Variants in HERC2 observed in about 807,000 individuals in gnomAD.
HERC2 encodes the protein E3 ubiquitin-protein ligase HERC2.
HERC2 carries 102 observed loss-of-function variants against 537.7 expected under a neutral mutation model. That is an observed-to-expected ratio of 0.19 (90% CI 0.16 to 0.22). The LOEUF is 0.22. Among genes scored for constraint, HERC2 ranks in the 10% least tolerant of loss-of-function variants. The probability of loss-of-function intolerance (pLI) is 1.00; values close to 1 mark genes in which losing one functional copy is unlikely to be tolerated. For missense variants in HERC2, 4,236 were observed against 6,198.2 expected (o/e 0.68, Z 10.63); for synonymous variants, 2,224 against 2,466.2 (o/e 0.90, Z 2.91).
intron 4 of HERC2, among the ~76,000 whole-genome samples, chr15:28,287,559 T>C (rs1394537023): frequency 6.6e-6 from 1 of 152,096 alleles, no homozygotes; most frequent in Non-Finnish European, 1.5e-5. Context: ...AAACAACAGA[T>C]TTTTAAAATC....
At chr15:28,147,171 T>C (rs2142290869) in intron 70 of HERC2, among the ~76,000 whole-genome samples, 1 of 151,848 alleles carries the variant, frequency 6.6e-6, no homozygotes, top group East Asian at 1.9e-4. Flanking sequence ...ATTTGGAATA[T>C]ATTTTAAAAG....
chr15:28,199,201 A>T (rs1051378969), intron 48 of HERC2, among the ~76,000 whole-genome samples: 12 of 152,192 alleles, frequency 7.9e-5, no homozygotes, highest in Non-Finnish European at 1.5e-4. Flanking sequence ...GTATTATTTA[A>T]TGATAAAGGG....
chr15:28,114,531 G>A, intron 90 of HERC2, 81 bp downstream of exon 90: 2 of 1,315,114 alleles, frequency 1.5e-6, no homozygotes, highest in African/African-American at 1.4e-5. Flanking sequence ...TGACACTCCT[G>A]AAAAACACAC....
chr15:28,141,471 T>C lies in HERC2; in HGVS notation c.11976A>G (p.Gly3992=). Residue 3992 remains glycine (G), a synonymous_variant, in exon 78 of 93, where the codon GGA becomes GGG. Transcript: ENST00000261609. ...TCACAGCAAAGAGGGTCTGTTCCCC[T>C]CCGATTAACTGCACGGGTCTGAGAG... ...LATLRPVQLI[G]GEQTLFAVTA... 1.2e-6 allele frequency: 2 copies of C among 1,614,076 alleles called. No individual in the cohort carries two copies. The highest frequency in any genetic ancestry group is 8.5e-7 in the Non-Finnish European group (1 of 1,180,014).
intron 44 of HERC2, among the ~76,000 whole-genome samples, chr15:28,207,666 C>G (rs534850615): frequency 6.4e-4 from 98 of 152,188 alleles, no homozygotes; most frequent in African/African-American, 2.1e-3. Context: ...GATCCACTGC[C>G]CTCAAGCCCA....
intron 20 of HERC2, among the ~76,000 whole-genome samples, chr15:28,252,418 A>G (rs919588073): frequency 3.3e-5 from 5 of 152,208 alleles, no homozygotes; most frequent in Non-Finnish European, 7.3e-5. Flanking sequence ...CAGCCTCCTC[A>G]GAAAAGGGAG....
chr15:28,304,856 C>T (rs1323547116), intron 2 of HERC2, among the ~76,000 whole-genome samples: 18 of 115,216 alleles, frequency 1.6e-4, no homozygotes, highest in African/African-American at 2.4e-4. Flanking sequence ...GCTACCCCTC[C>T]CCCCTCCCCC....
At chr15:28,126,950 A>G (rs2142124556) in intron 83 of HERC2, among the ~76,000 whole-genome samples, 1 of 152,386 alleles carries the variant, frequency 6.6e-6, no homozygotes, top group East Asian at 1.9e-4. Flanking sequence ...CGCAAGAATC[A>G]TCACACTTTT....
chr15:28,298,269 G>A (rs1318366449), intron 3 of HERC2, among the ~76,000 whole-genome samples: 235 of 142,916 alleles, frequency 1.6e-3, no homozygotes, highest in African/African-American at 5.9e-3. Context: ...TTCTCCTGCC[G>A]TGCCCTCCCA....
chr15:28,322,088 C>A lies in HERC2; in HGVS notation c.-45G>T, dbSNP rs1475354759. ...CCAGGCCAGGACCTGACGCGCAGGG[C>A]CCGGCCGCCTCGCCTCGCCGGCGCG... On this transcript the variant is annotated 5_prime_UTR_variant, in exon 1 of 93. Coordinates refer to ENST00000261609, the MANE Select transcript of HERC2 (RefSeq NM_004667.6). 1 of 86,726 alleles carries A rather than the reference C, an allele frequency of 1.2e-5. No individual in the cohort carries two copies. The highest frequency in any genetic ancestry group is 2.1e-5 in the Non-Finnish European group (1 of 46,644). The allele number at this position is 86,726 out of a possible 1,614,324, so 5.4% of individuals were successfully genotyped here. A position where few individuals can be genotyped will look rare whatever the true frequency, so the allele number is the denominator to read the frequency against.
At chr15:28,299,309 A>C in intron 3 of HERC2, 93 bp downstream of exon 3, 1 of 468,214 alleles carries the variant, frequency 2.1e-6, no homozygotes, top group Non-Finnish European at 3.9e-6. Flanking sequence ...TTAAGCTCAA[A>C]GCTCCTGTTC....
chr15:28,241,114 G>A (rs892067608), intron 23 of HERC2, among the ~76,000 whole-genome samples: 8 of 152,096 alleles, frequency 5.3e-5, no homozygotes, highest in South Asian at 2.1e-4. Context: ...AACAGCAACC[G>A]AAAGAATGCA....
chr15:28,286,663 C>G (rs567563776), intron 4 of HERC2, among the ~76,000 whole-genome samples: 4 of 152,110 alleles, frequency 2.6e-5, no homozygotes, highest in African/African-American at 7.2e-5. Flanking sequence ...ATGCCAAAAA[C>G]AATGTCAGAA....
intron 2 of HERC2, 132 bp from the exon 3 acceptor site, chr15:28,299,648 T>C (rs2076565525): frequency 1.7e-6 from 1 of 605,550 alleles, no homozygotes; most frequent in African/African-American, 1.9e-5. Flanking sequence ...AATGATTTAC[T>C]GAATTAGTGA....
rs1425605453 is a variant in HERC2 at position 28,144,943 on chromosome 15, T to C, written c.11009-139A>G. 5 of 1,028,516 alleles carry C rather than the reference T, an allele frequency of 4.9e-6. No individual in the cohort carries two copies. In the Admixed American group the frequency reaches 1.0e-4, roughly 21 times the overall value. 63.7% of individuals were successfully genotyped at this position (1,028,516 alleles called of 1,614,324 possible). A position where few individuals can be genotyped will look rare whatever the true frequency, so the allele number is the denominator to read the frequency against. On this transcript the variant is annotated intron_variant, in intron 71 of 92. Coordinates refer to ENST00000261609, the MANE Select transcript of HERC2 (RefSeq NM_004667.6). Reference sequence around the variant, plus strand: ...CAATCCAAGCTCTCCCAAGCCGAAGTGCACAGTGACACAACACTCTTGGGA... The same window carrying C: ...CAATCCAAGCTCTCCCAAGCCGAAGCGCACAGTGACACAACACTCTTGGGA...
chr15:28,229,231 C>T lies in HERC2; in HGVS notation c.5236G>A (p.Val1746Ile), dbSNP rs1432097118. ...AATTTGGCACTGGCATCCATCAAAACATTTCGAATGTTCTGTACAGCCCAA... is the reference window on the plus strand; with the variant it reads ...AATTTGGCACTGGCATCCATCAAAATATTTCGAATGTTCTGTACAGCCCAA... ...YAWAVQNIRNVLMDASAKFKE... is the reference protein window; with the variant it reads ...YAWAVQNIRNILMDASAKFKE... Residue 1746 changes from valine (V) to isoleucine (I), a missense_variant, in exon 34 of 93, where the codon GTT becomes ATT. Val to Ile is a conservative substitution (Grantham distance 29). This residue lies in a region of HERC2 where 343 missense variants were observed against 417.2 expected (regional missense o/e 0.82). Coordinates refer to ENST00000261609, the MANE Select transcript of HERC2 (RefSeq NM_004667.6). The T allele has an allele frequency of 6.2e-7, 1 of 1,613,522 alleles. No individual in the cohort carries two copies. The highest frequency in any genetic ancestry group is 8.5e-7 in the Non-Finnish European group (1 of 1,179,860).
At position 28,245,950 on chromosome 15, in the gene HERC2, G is replaced by A. The variant is rs1187345307; in HGVS notation, c.3508C>T (p.Arg1170Trp). 4 of 1,614,054 alleles carry A rather than the reference G, an allele frequency of 2.5e-6. No homozygotes were observed. Among genetic ancestry groups the A allele is most frequent in the Admixed American group, 1.7e-5 (1 of 60,000 alleles). Residue 1170 changes from arginine (R) to tryptophan (W), a missense_variant, in exon 23 of 93, where the codon CGG becomes TGG. By Grantham distance (101) the Arg-to-Trp change is moderately radical (BLOSUM62 -3). Around this residue, in one of 27 missense-constraint regions of HERC2, gnomAD observed 754 missense variants for 1,085.0 expected, o/e 0.69. Coordinates refer to ENST00000261609, the MANE Select transcript of HERC2 (RefSeq NM_004667.6). Reference protein sequence around the residue: ...LLGGLLEHLDRFNHLAPGKER... With the variant: ...LLGGLLEHLDWFNHLAPGKER... ...TTTCCTGGTGCCAGATGGTTGAACC[G>A]ATCCAGATGTTCCAACAGGCCACCC...
At chr15:28,294,012 T>G (rs768611788) in intron 3 of HERC2, among the ~76,000 whole-genome samples, 88 of 152,322 alleles carry the variant, frequency 5.8e-4, no homozygotes, top group African/African-American at 8.9e-4. Context: ...TCTCAATCGG[T>G]GAAAGACACG....
At chr15:28,119,976 C>A (rs1888699078) in intron 86 of HERC2, among the ~76,000 whole-genome samples, 1 of 152,124 alleles carries the variant, frequency 6.6e-6, no homozygotes, top group Admixed American at 6.5e-5. Context: ...GGCTTGAATA[C>A]CCACCCTGAG....
Sources: allele counts gnomAD v4.1 joint callset (sites outside exome capture counted in the v4.1 genomes callset), GRCh38; gene constraint gnomAD v4.1.1; regional missense constraint gnomAD v4.1.1; transcripts MANE v1.5; gene names NCBI Gene and HGNC (gene_info 2026-07-23, HGNC 2026-07-21).